Variants in HHAT observed in about 807,000 individuals in gnomAD.
HHAT encodes the protein protein-cysteine N-palmitoyltransferase HHAT.
A neutral mutation model predicts 70.8 loss-of-function variants in HHAT; 47 were observed. That is an observed-to-expected ratio of 0.66 (90% confidence interval 0.53 to 0.85). The LOEUF is 0.85. Among genes scored for constraint, HHAT ranks in the 40% least tolerant of loss-of-function variants. HHAT has a pLI of 0.00. For missense variants in HHAT, 609 were observed against 604.8 expected (o/e 1.01, Z -0.07); for synonymous variants, 228 against 247.6 (o/e 0.92, Z 0.74).
At chr1:210,424,600 C>T (rs1470250358) in intron 7 of HHAT, among the ~76,000 whole-genome samples, 1 of 151,660 alleles carries the variant, frequency 6.6e-6, no homozygotes, top group Non-Finnish European at 1.5e-5. Flanking sequence ...CTCCCACCCT[C>T]CACCCCGTGA....
chr1:210,548,903 T>C (rs1377351216), intron 9 of HHAT, among the ~76,000 whole-genome samples: 1 of 152,256 alleles, frequency 6.6e-6, no homozygotes, highest in Non-Finnish European at 1.5e-5. Flanking sequence ...TAATGCCTAA[T>C]AGACCCTGCT....
intron 4 of HHAT, among the ~76,000 whole-genome samples, chr1:210,390,429 TAA>T (rs1399043966): frequency 6.6e-6 from 1 of 152,018 alleles, no homozygotes; most frequent in Non-Finnish European, 1.5e-5. Flanking sequence ...ATTAAAACTC[TAA>T]GTTTATTTGC....
At chr1:210,525,089 A>G (rs773192616) in intron 9 of HHAT, among the ~76,000 whole-genome samples, 10 of 151,972 alleles carry the variant, frequency 6.6e-5, no homozygotes, top group Non-Finnish European at 1.5e-4. Flanking sequence ...CCACTCAGCA[A>G]ACCAGGGCTT....
chr1:210,632,912 G>T (rs898610923), intron 11 of HHAT, among the ~76,000 whole-genome samples: 1 of 152,174 alleles, frequency 6.6e-6, no homozygotes, highest in African/African-American at 2.4e-5. Flanking sequence ...GGAGATGGAG[G>T]CAGGGATTGG....
At chr1:210,372,364 T>C (rs2089642581) in intron 3 of HHAT, among the ~76,000 whole-genome samples, 1 of 152,200 alleles carries the variant, frequency 6.6e-6, no homozygotes, top group African/African-American at 2.4e-5. Context: ...CCAAGCCTAT[T>C]TTGTTGTTTA....
At chr1:210,496,613 A>G (rs2094648746) in intron 8 of HHAT, among the ~76,000 whole-genome samples, 1 of 152,188 alleles carries the variant, frequency 6.6e-6, no homozygotes, top group South Asian at 2.1e-4. Context: ...GGGTCATGTG[A>G]GAAAGTGTTT....
intron 9 of HHAT, among the ~76,000 whole-genome samples, chr1:210,585,585 A>G (rs1228550526): frequency 6.6e-6 from 1 of 151,972 alleles, no homozygotes; most frequent in Non-Finnish European, 1.5e-5. Flanking sequence ...TGACTGGCTG[A>G]TTTTTGTATT....
At chr1:210,542,941 G>T (rs2095445305) in intron 9 of HHAT, among the ~76,000 whole-genome samples, 1 of 152,146 alleles carries the variant, frequency 6.6e-6, no homozygotes, top group South Asian at 2.1e-4. Flanking sequence ...AGGTTTAGGG[G>T]CTGATCTCAG....
chr1:210,434,482 G>A (rs577364321), intron 7 of HHAT, among the ~76,000 whole-genome samples: 1 of 151,830 alleles, frequency 6.6e-6, no homozygotes, highest in Non-Finnish European at 1.5e-5. Flanking sequence ...TTAAGTTTAA[G>A]CAAGGAAATG....
intron 8 of HHAT, among the ~76,000 whole-genome samples, chr1:210,502,919 GATTTA>G (rs1237397253): frequency 1.3e-5 from 2 of 151,720 alleles, no homozygotes; most frequent in Non-Finnish European, 2.9e-5. Flanking sequence ...ATATACTCAA[GATTTA>G]ATTTAGCTTA....
chr1:210,388,143 G>A (rs1465559957), intron 4 of HHAT, among the ~76,000 whole-genome samples: 1 of 152,220 alleles, frequency 6.6e-6, no homozygotes, highest in Non-Finnish European at 1.5e-5. Context: ...TATACTGCCA[G>A]GAGGATCTTT....
At chr1:210,486,766 A>G (rs1181264201) in intron 8 of HHAT, among the ~76,000 whole-genome samples, 4 of 152,210 alleles carry the variant, frequency 2.6e-5, no homozygotes, top group South Asian at 2.1e-4. Flanking sequence ...CATTCATCTC[A>G]GGAATCACTG....
At chr1:210,605,808 A>C (rs1397100545) in intron 10 of HHAT, among the ~76,000 whole-genome samples, 1 of 151,722 alleles carries the variant, frequency 6.6e-6, no homozygotes, top group Non-Finnish European at 1.5e-5. Flanking sequence ...TGTGATTTTT[A>C]CTTCTTTCCA....
rs537453488 is a variant in HHAT at position 210,626,201 on chromosome 1, G to C, written c.1390+2531G>C. ...ACCCCAGGGAATGCTGGTATTGAAGGGGGCAGAGAGAAAGGCAGGAAGATC... is the reference window on the plus strand; with the variant it reads ...ACCCCAGGGAATGCTGGTATTGAAGCGGGCAGAGAGAAAGGCAGGAAGATC... On this transcript the variant is annotated intron_variant, in intron 11 of 11. Transcript: ENST00000261458. Among the ~76,000 whole-genome samples, 41 of 152,170 alleles carry C rather than the reference G, an allele frequency of 2.7e-4. 1 individual carries two copies. Among genetic ancestry groups the C allele is most frequent in the Non-Finnish European group, 5.0e-4 (34 of 68,024 alleles).
intron 8 of HHAT, among the ~76,000 whole-genome samples, chr1:210,485,419 A>ATTTCATCTCTTCCTT (rs2094459565): frequency 6.6e-6 from 1 of 152,150 alleles, no homozygotes; most frequent in Non-Finnish European, 1.5e-5. Context: ...GCTTAAGAAC[A>ATTTCATCTCTTCCTT]GGACCCATTT....
At chr1:210,408,283 A>G (rs994098070) in intron 6 of HHAT, among the ~76,000 whole-genome samples, 3 of 152,138 alleles carry the variant, frequency 2.0e-5, no homozygotes, top group African/African-American at 7.2e-5. Context: ...CCTGGTATCA[A>G]GTGATTCTTG....
At chr1:210,592,496 A>G (rs1320138974) in intron 10 of HHAT, among the ~76,000 whole-genome samples, 2 of 151,888 alleles carry the variant, frequency 1.3e-5, no homozygotes, top group African/African-American at 4.8e-5. Context: ...TTTTCCTCAG[A>G]ATAGCTTTGG....
At chr1:210,350,962 G>T (rs1184342569) in intron 2 of HHAT, among the ~76,000 whole-genome samples, 1 of 152,162 alleles carries the variant, frequency 6.6e-6, no homozygotes, top group Non-Finnish European at 1.5e-5. Context: ...TGTTATGAAT[G>T]ACTGTATTAG....
At chr1:210,490,796 C>T (rs1158261592) in intron 8 of HHAT, among the ~76,000 whole-genome samples, 1 of 152,096 alleles carries the variant, frequency 6.6e-6, no homozygotes, top group Non-Finnish European at 1.5e-5. Context: ...GGAAAAGAGA[C>T]TTTCACTCAA....
Sources: allele counts gnomAD v4.1 joint callset (sites outside exome capture counted in the v4.1 genomes callset), GRCh38; gene constraint gnomAD v4.1.1; transcripts MANE v1.5; gene names NCBI Gene and HGNC (gene_info 2026-07-23, HGNC 2026-07-21).